Variants in SMIM14 observed in about 807,000 individuals in gnomAD.
SMIM14 encodes chromosome 4 open reading frame 34.
In SMIM14, 5 loss-of-function variants were observed where a neutral mutation model predicts 12.6. The ratio of observed to expected loss-of-function variants is 0.40; its 90% confidence interval spans 0.21 to 0.83. The LOEUF (loss-of-function observed/expected upper bound fraction) is 0.83, where lower values mean the gene tolerates loss of function less well. SMIM14 is among the 40% of genes least tolerant of loss of function. The probability of loss-of-function intolerance (pLI) is 0.37; values close to 1 mark genes in which losing one functional copy is unlikely to be tolerated. For synonymous variants in SMIM14, 30 were observed against 40.1 expected (o/e 0.75, Z 0.95); for missense variants, 86 against 119.1 (o/e 0.72, Z 1.29).
intron 4 of SMIM14, among the ~76,000 whole-genome samples, chr4:39,554,920 CCA>C (rs2109980929): frequency 6.7e-6 from 1 of 149,804 alleles, no homozygotes; most frequent in South Asian, 2.1e-4. Flanking sequence ...ACTGCAACCT[CCA>C]TCTCCTGGGT....
At chr4:39,619,876 A>ATTTTTTTTTTT (rs368919092) in intron 1 of SMIM14, among the ~76,000 whole-genome samples, 1 of 115,868 alleles carries the variant, frequency 8.6e-6, no homozygotes, top group African/African-American at 3.4e-5. Context: ...ATATATATAT[A>ATTTTTTTTTTT]TTTTTTTTTT....
intron 1 of SMIM14, among the ~76,000 whole-genome samples, chr4:39,615,753 A>C (rs917992016): frequency 1.3e-5 from 2 of 152,208 alleles, no homozygotes; most frequent in Non-Finnish European, 2.9e-5. Context: ...ACTGGCCAGG[A>C]GTTAAAGACC....
At position 39,547,169 on chromosome 4, in the gene SMIM14, T is replaced by C. The variant is rs960897968; in HGVS notation, c.*4957A>G. 4 of 152,252 alleles carry C rather than the reference T, an allele frequency of 2.6e-5. No homozygotes were observed. The East Asian group carries it at 5.8e-4, about 22-fold the overall frequency. 9.4% of individuals were successfully genotyped at this position (152,252 alleles called of 1,614,324 possible). ...TTTTTCTCACAACTTTTCTTAAAACTTAAGTTCTCTCTTAGGAATGTCTTT... is the reference window on the plus strand; with the variant it reads ...TTTTTCTCACAACTTTTCTTAAAACCTAAGTTCTCTCTTAGGAATGTCTTT... On this transcript the variant is annotated 3_prime_UTR_variant, in exon 5 of 5. Transcript: ENST00000295958.
intron 1 of SMIM14, among the ~76,000 whole-genome samples, chr4:39,631,416 T>C (rs1393037339): frequency 6.6e-6 from 1 of 151,730 alleles, no homozygotes; most frequent in Non-Finnish European, 1.5e-5. Flanking sequence ...CCCAGCACTT[T>C]GGGAGGCCAA....
Position 39,551,075 on chromosome 4 carries a change from A to G in SMIM14, c.*1051T>C, listed in dbSNP as rs898153291. ...CAGGCACATGCACCAACCCTGGCTA[A>G]TTTTTCTGTATTTTTAGTAGAGACA... On this transcript the variant is annotated 3_prime_UTR_variant, in exon 5 of 5. Coordinates refer to ENST00000295958, the MANE Select transcript of SMIM14 (RefSeq NM_174921.3). 2.0e-5 allele frequency: 3 copies of G among 151,840 alleles called. No individual in the cohort carries two copies. The highest frequency in any genetic ancestry group is 7.3e-5 in the African/African-American group (3 of 41,296). 9.4% of individuals were successfully genotyped at this position (151,840 alleles called of 1,614,324 possible).
chr4:39,597,084 C>CTTTTTTTT lies in SMIM14; in HGVS notation c.75+7986_75+7987insAAAAAAAA, dbSNP rs1436675514. Among the ~76,000 whole-genome samples the CTTTTTTTT allele has an allele frequency of 2.3e-5, 3 of 133,258 alleles. 1 individual carries two copies. The highest frequency in any genetic ancestry group is 1.6e-5 in the Non-Finnish European group (1 of 63,100). The allele number at this position is 133,258 out of a possible 152,430, so 87.4% of individuals were successfully genotyped here. The stretch of plus-strand genomic sequence containing the variant: ...AGCCACGGTGCCCGGCCCAGGTTTC[C>CTTTTTTTT]CTTTTTTTTTTTTTTTTTTTTTAGC... On this transcript the variant is annotated intron_variant, in intron 2 of 4. Transcript: ENST00000295958.
intron 1 of SMIM14, among the ~76,000 whole-genome samples, chr4:39,623,202 G>A (rs1032491673): frequency 7.2e-5 from 11 of 152,152 alleles, no homozygotes; most frequent in African/African-American, 2.7e-4. Context: ...AACCTGCCAA[G>A]GGGGGAGAGG....
At chr4:39,559,582 A>G (rs575100868) in intron 3 of SMIM14, among the ~76,000 whole-genome samples, 2 of 152,250 alleles carry the variant, frequency 1.3e-5, no homozygotes, top group South Asian at 4.1e-4. Flanking sequence ...GATACACTGC[A>G]TTGGGTCAGT....
chr4:39,567,069 G>C (rs1712609564), intron 3 of SMIM14, among the ~76,000 whole-genome samples: 2 of 148,602 alleles, frequency 1.3e-5, no homozygotes, highest in Admixed American at 6.8e-5. Context: ...CCAGGAGGTG[G>C]AGGTTGTAGT....
At chr4:39,571,905 G>A (rs1218162542) in intron 3 of SMIM14, among the ~76,000 whole-genome samples, 1 of 151,680 alleles carries the variant, frequency 6.6e-6, no homozygotes, top group African/African-American at 2.4e-5. Context: ...CCAGGCTCAG[G>A]TGATCCTCCC....
chr4:39,626,744 G>A (rs1328939796), intron 1 of SMIM14, among the ~76,000 whole-genome samples: 1 of 152,124 alleles, frequency 6.6e-6, no homozygotes, highest in Non-Finnish European at 1.5e-5. Flanking sequence ...TCAAGGAAAG[G>A]AGAACGCTTT....
At chr4:39,592,342 A>G (rs1445567146) in intron 2 of SMIM14, among the ~76,000 whole-genome samples, 1 of 150,140 alleles carries the variant, frequency 6.7e-6, no homozygotes, top group Non-Finnish European at 1.5e-5. Flanking sequence ...CCTTTAAACA[A>G]TCCTCCCGCC....
Position 39,566,520 on chromosome 4 carries a change from C to T in SMIM14, c.124+5895G>A, listed in dbSNP as rs537573443. On this transcript the variant is annotated intron_variant, in intron 3 of 4. Transcript: ENST00000295958. ...AGGTCTGGAGGACAGACAGACGCAC[C>T]GAGAAAGAAGACAGCAGATAGCCGC... Among the ~76,000 whole-genome samples the T allele has an allele frequency of 4.6e-5, 7 of 152,124 alleles. No individual in the cohort carries two copies. In the East Asian group the frequency reaches 5.8e-4, roughly 13 times the overall value.
At chr4:39,636,081 G>T (rs979286728) in intron 1 of SMIM14, among the ~76,000 whole-genome samples, 3 of 150,160 alleles carry the variant, frequency 2.0e-5, no homozygotes, top group Non-Finnish European at 4.4e-5. Flanking sequence ...GCTAAGGCTG[G>T]AGAATCACTT....
chr4:39,618,660 A>C (rs1256938642), intron 1 of SMIM14, among the ~76,000 whole-genome samples: 1 of 150,764 alleles, frequency 6.6e-6, no homozygotes, highest in Admixed American at 6.6e-5. Context: ...AAAAAAAAAA[A>C]AAAACAAAAA....
At chr4:39,595,608 A>ATT (rs71192880) in intron 2 of SMIM14, among the ~76,000 whole-genome samples, 14,107 of 135,448 alleles carry the variant, frequency 0.1, 1,173 homozygotes, top group African/African-American at 0.22. Context: ...TGTAACTACG[A>ATT]TTTTTTTTTT....
intron 2 of SMIM14, among the ~76,000 whole-genome samples, chr4:39,603,720 C>A (rs1190909927): frequency 2.0e-5 from 3 of 151,786 alleles, no homozygotes; most frequent in African/African-American, 7.3e-5. Flanking sequence ...TTCAGAAATG[C>A]TTTACATAGG....
At chr4:39,563,929 T>C (rs1473932537) in intron 3 of SMIM14, among the ~76,000 whole-genome samples, 1 of 151,434 alleles carries the variant, frequency 6.6e-6, no homozygotes, top group Admixed American at 6.6e-5. Flanking sequence ...CTTCTTCTTC[T>C]TCTATTATTA....
At chr4:39,572,813 C>A (rs1712969632) in intron 2 of SMIM14, among the ~76,000 whole-genome samples, 1 of 151,798 alleles carries the variant, frequency 6.6e-6, no homozygotes, top group East Asian at 1.9e-4. Context: ...CAGAGCGAGA[C>A]CTTGTCTTAA....
Sources: allele counts gnomAD v4.1 joint callset (sites outside exome capture counted in the v4.1 genomes callset), GRCh38; gene constraint gnomAD v4.1.1; transcripts MANE v1.5; gene names NCBI Gene and HGNC (gene_info 2026-07-23, HGNC 2026-07-21).